Variants in RTN4IP1 observed in about 807,000 individuals in gnomAD.
RTN4IP1 encodes the protein NAD(P)H oxidoreductase RTN4IP1, mitochondrial.
In RTN4IP1, 32 loss-of-function variants were observed where a neutral mutation model predicts 46.6. The observed-to-expected ratio is 0.69, with a 90% CI of 0.52 to 0.92. The LOEUF is 0.92. Ranked by LOEUF, RTN4IP1 falls within the 40% of genes least tolerant of loss-of-function variation. The pLI is 0.00. For synonymous variants in RTN4IP1, 167 were observed against 161.8 expected, an observed-to-expected ratio of 1.03 and a Z score of -0.24; for missense variants, 424 against 485.8, an observed-to-expected ratio of 0.87 and a Z score of 1.20.
At chr6:106,577,005 A>C (rs966333476) in intron 8 of RTN4IP1, among the ~76,000 whole-genome samples, 1 of 152,254 alleles carries the variant, frequency 6.6e-6, no homozygotes, top group Admixed American at 6.5e-5. Flanking sequence ...AAATCAACTG[A>C]GAAATCTATA....
At chr6:106,625,171 T>C (rs1776604699) in intron 1 of RTN4IP1, among the ~76,000 whole-genome samples, 1 of 151,642 alleles carries the variant, frequency 6.6e-6, no homozygotes, top group Admixed American at 6.6e-5. Flanking sequence ...CTGTCTGCCA[T>C]GTGAGGCTTT....
At chr6:106,624,907 GC>G (rs1199848966) in intron 1 of RTN4IP1, among the ~76,000 whole-genome samples, 1 of 139,356 alleles carries the variant, frequency 7.2e-6, no homozygotes, top group Non-Finnish European at 1.5e-5. Flanking sequence ...CTGCACTCCA[GC>G]CCAGGTGACA....
rs1776755002 is a variant in RTN4IP1 at position 106,629,453 on chromosome 6, A to C, written c.-432T>G. The C allele has an allele frequency of 1.6e-6, 1 of 612,608 alleles. No individual in the cohort carries two copies. The highest frequency in any genetic ancestry group is 2.8e-6 in the Non-Finnish European group (1 of 354,728). 37.9% of individuals were successfully genotyped at this position (612,608 alleles called of 1,614,324 possible). Reference sequence around the variant, plus strand: ...GACTGCCGCCGCGACCCTGGCCCGGAATCTCCTTGCCTGCCCGCTCTCCTT... The same window carrying C: ...GACTGCCGCCGCGACCCTGGCCCGGCATCTCCTTGCCTGCCCGCTCTCCTT... On this transcript the variant is annotated 5_prime_UTR_variant, in exon 1 of 9. In the 5' UTR this introduces an upstream ATG that the reference lacks. Coordinates refer to ENST00000369063, the MANE Select transcript of RTN4IP1 (RefSeq NM_032730.5).
chr6:106,611,215 T>C (rs185885683), intron 4 of RTN4IP1, among the ~76,000 whole-genome samples: 7 of 152,222 alleles, frequency 4.6e-5, no homozygotes, highest in African/African-American at 1.7e-4. Context: ...TCTAATGGAA[T>C]CCCTGGCCCT....
chr6:106,617,392 C>A (rs1285074712), intron 4 of RTN4IP1, among the ~76,000 whole-genome samples: 1 of 152,132 alleles, frequency 6.6e-6, no homozygotes, highest in Non-Finnish European at 1.5e-5. Flanking sequence ...AATAAACAGA[C>A]CCAACTCAAT....
chr6:106,629,440 G>A lies in RTN4IP1; in HGVS notation c.-419C>T, dbSNP rs1426976870. On this transcript the variant is annotated 5_prime_UTR_variant, in exon 1 of 9. Coordinates refer to ENST00000369063, the MANE Select transcript of RTN4IP1 (RefSeq NM_032730.5). ...TCGAACGCTTGCCGACTGCCGCCGC[G>A]ACCCTGGCCCGGAATCTCCTTGCCT... 4 of 594,764 alleles carry A rather than the reference G, an allele frequency of 6.7e-6. No individual in the cohort carries two copies. Among genetic ancestry groups the A allele is most frequent in the Non-Finnish European group, 1.2e-5 (4 of 341,436 alleles). 36.8% of individuals were successfully genotyped at this position (594,764 alleles called of 1,614,324 possible). A position where few individuals can be genotyped will look rare whatever the true frequency, so the allele number is the denominator to read the frequency against.
In RTN4IP1 at chr6:106,571,789, G is replaced by A. The variant is rs372073762; in HGVS notation, c.*207C>T. ...TGAAGGAACAGCTTGAAAAAACTTC[G>A]AATTTCTACTGACTACAGACAAATC... is the stretch of plus-strand genomic sequence containing the variant. On this transcript the variant is annotated 3_prime_UTR_variant, in exon 9 of 9. Transcript: ENST00000369063. 4.0e-3 allele frequency: 1,745 copies of A among 439,254 alleles called. 8 individuals carry two copies. The highest frequency in any genetic ancestry group is 0.01 in the Middle Eastern group (15 of 1,490). 27.2% of individuals were successfully genotyped at this position (439,254 alleles called of 1,614,324 possible).
At chr6:106,603,773 T>C (rs901870996) in intron 4 of RTN4IP1, among the ~76,000 whole-genome samples, 1 of 152,174 alleles carries the variant, frequency 6.6e-6, no homozygotes, top group African/African-American at 2.4e-5. Flanking sequence ...ATTTTATTCT[T>C]AAATTAAGGT....
upstream of RTN4IP1, chr6:106,629,791 G>A (rs1776776018): frequency 4.6e-6 from 7 of 1,509,634 alleles, no homozygotes; most frequent in Non-Finnish European, 5.4e-6. Flanking sequence ...GCCTTACCAC[G>A]CATCTTGGCC....
At chr6:106,598,641 T>C (rs1775866393) in intron 5 of RTN4IP1, among the ~76,000 whole-genome samples, 1 of 152,096 alleles carries the variant, frequency 6.6e-6, no homozygotes, top group African/African-American at 2.4e-5. Flanking sequence ...TCCCACGTTG[T>C]AGGCTGCCTG....
intron 3 of RTN4IP1, among the ~76,000 whole-genome samples, chr6:106,619,649 T>C (rs945526494): frequency 9.0e-5 from 13 of 144,870 alleles, no homozygotes; most frequent in Non-Finnish European, 1.9e-4. Context: ...ACTTGCTCTG[T>C]CGCCCAGGCT....
intron 8 of RTN4IP1, among the ~76,000 whole-genome samples, chr6:106,581,035 A>G (rs1202847682): frequency 6.6e-6 from 1 of 151,500 alleles, no homozygotes; most frequent in African/African-American, 2.4e-5. Flanking sequence ...TTGTTAGGAG[A>G]GAAAGAAGAG....
Position 106,583,355 on chromosome 6 carries a change from G to A in RTN4IP1, c.1056C>T (p.Asp352=). Residue 352 remains aspartate, a synonymous_variant, in exon 8 of 9, where the codon GAC becomes GAT. Transcript: ENST00000369063. ...TTCCCGCATCCACCAGTTCTGCAAT[G>A]TCATCTAAACATGGGCCACTGGCCA... ...FFMASGPCLD[D]IAELVDAGKI... The A allele has an allele frequency of 6.2e-7, 1 of 1,613,696 alleles. No individual in the cohort carries two copies.
chr6:106,583,450 TA>T, intron 7 of RTN4IP1, 30 bp from the exon 8 acceptor site: 1 of 1,546,170 alleles, frequency 6.5e-7, no homozygotes, highest in South Asian at 1.1e-5. Flanking sequence ...ACATGTCAAA[TA>T]CAGAAAAACA....
rs113244061 is a variant in RTN4IP1, at chr6:106,615,962, A to C, written c.620+3240T>G. 2.4e-3 allele frequency among the ~76,000 whole-genome samples: 358 copies of C among 152,024 alleles called. 2 individuals carry two copies. The highest frequency in any genetic ancestry group is 8.3e-3 in the African/African-American group (344 of 41,454). ...TGAGATGGAGTCTTGCTCTGTCACC[A>C]GGCTGGAGTACCGTTGCGCAATCTC... On this transcript the variant is annotated intron_variant, in intron 4 of 8. Transcript: ENST00000369063.
rs1385015040 is a variant in RTN4IP1, at chr6:106,592,236, C to T, written c.734G>A (p.Arg245Lys). Residue 245 changes from arginine to lysine, a missense_variant, in exon 6 of 9, where the codon AGG becomes AAG. Arg to Lys is a conservative substitution (Grantham distance 26, BLOSUM62 2). Transcript: ENST00000369063. ...AATTACATCGTCTGCACCAAGCTTC[C>T]TTACAAGTTCACTGGCATCTTGGGA... ...VCSQDASELV[R>K]KLGADDVIDY... 2 of 1,614,054 alleles carry T rather than the reference C, an allele frequency of 1.2e-6. No homozygotes were observed. The highest frequency in any genetic ancestry group is 1.7e-5 in the Admixed American group (1 of 59,990).
At chr6:106,595,088 C>A (rs540653845) in intron 5 of RTN4IP1, among the ~76,000 whole-genome samples, 1 of 152,316 alleles carries the variant, frequency 6.6e-6, no homozygotes, top group South Asian at 2.1e-4. Flanking sequence ...AGGTGTGAGC[C>A]ACTGTGCCCG....
At chr6:106,585,323 A>C (rs1419139367) in intron 7 of RTN4IP1, among the ~76,000 whole-genome samples, 2 of 152,246 alleles carry the variant, frequency 1.3e-5, no homozygotes, top group Non-Finnish European at 2.9e-5. Flanking sequence ...AACAAGAAAA[A>C]GAAAAAAGCT....
chr6:106,587,297 T>G (rs1281153187), intron 7 of RTN4IP1, among the ~76,000 whole-genome samples: 1 of 152,212 alleles, frequency 6.6e-6, no homozygotes, highest in East Asian at 1.9e-4. Flanking sequence ...GCACAGACAG[T>G]ACATCAGATG....
Sources: gnomAD v4.1 joint callset for allele counts (sites outside exome capture counted in the v4.1 genomes callset) on GRCh38, gnomAD v4.1.1 for gene constraint, MANE v1.5 for transcripts, NCBI Gene and HGNC (gene_info 2026-07-23, HGNC 2026-07-21) for gene names.